Variants in MYO9B observed in about 807,000 individuals in gnomAD.
MYO9B encodes unconventional myosin-IXb.
In MYO9B, 71 loss-of-function variants were observed where a neutral mutation model predicts 229.5. The observed-to-expected ratio is 0.31, with a 90% CI of 0.26 to 0.38. The LOEUF (loss-of-function observed/expected upper bound fraction) is 0.38. Among genes scored for constraint, MYO9B ranks in the 10% least tolerant of loss-of-function variants. The pLI, the probability that MYO9B is intolerant of heterozygous loss-of-function variation, is 1.00. For missense variants in MYO9B, 2,255 were observed against 2,920.5 expected, an observed-to-expected ratio of 0.77 and a Z score of 5.25; for synonymous variants, 1,185 against 1,235.8, an observed-to-expected ratio of 0.96 and a Z score of 0.86.
At chr19:17,104,512 G>A (rs761058098) in intron 2 of MYO9B, among the ~76,000 whole-genome samples, 1 of 152,164 alleles carries the variant, frequency 6.6e-6, no homozygotes, top group African/African-American at 2.4e-5. Flanking sequence ...CGCAACCATC[G>A]CCACCTGGTG....
chr19:17,128,715 C>A (rs1416858751), intron 2 of MYO9B, among the ~76,000 whole-genome samples: 1 of 152,228 alleles, frequency 6.6e-6, no homozygotes, highest in South Asian at 2.1e-4. Flanking sequence ...GGCCTCGGGA[C>A]GAGTGCTGTT....
At chr19:17,209,381 G>A (rs755139082) in intron 35 of MYO9B, among the ~76,000 whole-genome samples, 4 of 152,204 alleles carry the variant, frequency 2.6e-5, no homozygotes, top group Non-Finnish European at 4.4e-5. Context: ...ACAAGGAGGC[G>A]TGCAGAGACA....
In MYO9B at chr19:17,203,237, G is replaced by A; in HGVS notation, c.4969G>A (p.Asp1657Asn). Residue 1657 changes from aspartate (D) to asparagine (N), a missense_variant, in exon 30 of 40, where the codon GAC (aspartate) becomes AAC (asparagine). Asp to Asn is a conservative substitution (Grantham distance 23). Around this residue, in one of 7 missense-constraint regions of MYO9B, gnomAD observed 416 missense variants for 605.5 expected, o/e 0.69. Transcript: ENST00000682292. ...EQCLSYIWLMDKALLCSVCKM... is the reference protein window; with the variant it reads ...EQCLSYIWLMNKALLCSVCKM... ...GTGCCTCTCCTATATCTGGCTCATG[G>A]ACAAGGCCCTGCTCTGCAGCGGTGA... is the stretch of plus-strand genomic sequence containing the variant. 6.4e-7 allele frequency: 1 copy of A among 1,561,800 alleles called. No homozygotes were observed. The highest frequency in any genetic ancestry group is 8.7e-7 in the Non-Finnish European group (1 of 1,152,776).
chr19:17,087,096 C>T (rs755697055), intron 1 of MYO9B, among the ~76,000 whole-genome samples: 2 of 152,134 alleles, frequency 1.3e-5, no homozygotes, highest in Admixed American at 6.6e-5. Flanking sequence ...CAGCCTGGCC[C>T]GGGGTGAGCA....
At chr19:17,093,163 C>G (rs937088479) in intron 1 of MYO9B, among the ~76,000 whole-genome samples, 1 of 152,028 alleles carries the variant, frequency 6.6e-6, no homozygotes, top group Non-Finnish European at 1.5e-5. Context: ...GAAACCCTGT[C>G]TCAACCAAAA....
chr19:17,192,954 A>ACCACCCACCTCAG lies in MYO9B; in HGVS notation c.3022_3023insACCCACCTCAGCC (p.Leu1008HisfsTer67). The ACCACCCACCTCAG allele has an allele frequency of 6.5e-7, 1 of 1,538,716 alleles. No individual in the cohort carries two copies. ...CTGGAGAGGACGCAGGCTGCCGTGTACCTCCAGGCCTCATGGAGGGGCTAC... is the reference window on the plus strand; with the variant it reads ...CTGGAGAGGACGCAGGCTGCCGTGTACCACCCACCTCAGCCTCCAGGCCTCATGGAGGGGCTAC... On this transcript the variant is annotated frameshift_variant, in exon 21 of 40. Coordinates refer to ENST00000682292, the MANE Select transcript of MYO9B (RefSeq NM_004145.4). LOFTEE classifies it high-confidence loss of function.
chr19:17,198,218 C>T lies in MYO9B; in HGVS notation c.4148C>T (p.Ala1383Val), dbSNP rs576521081. 6.2e-6 allele frequency: 10 copies of T among 1,613,898 alleles called. No individual in the cohort carries two copies. Among genetic ancestry groups the T allele is most frequent in the East Asian group, 2.2e-5 (1 of 44,866 alleles). The change falls in exon 24 of 40, where the codon GCG (alanine) becomes GTG (valine). Residue 1383 changes from alanine to valine, a missense_variant. Coordinates refer to ENST00000682292, the MANE Select transcript of MYO9B (RefSeq NM_004145.4). ...GAAACCACGGACGGAGAGCGAAGTGCGAAAAAGCCAGCTGTCCAGAAGAAG... is the reference window on the plus strand; with the variant it reads ...GAAACCACGGACGGAGAGCGAAGTGTGAAAAAGCCAGCTGTCCAGAAGAAG... ...AAETTDGERSAKKPAVQKKKP... is the reference protein window; with the variant it reads ...AAETTDGERSVKKPAVQKKKP...
At chr19:17,200,867 G>A (rs202077102) in intron 26 of MYO9B, 38 bp downstream of exon 26, 304 of 1,593,952 alleles carry the variant, frequency 1.9e-4, no homozygotes, top group African/African-American at 4.6e-4. Context: ...CATGAGGCCC[G>A]GTCCCCAGGG....
At chr19:17,150,514 G>A (rs942446337) in intron 3 of MYO9B, among the ~76,000 whole-genome samples, 1 of 152,194 alleles carries the variant, frequency 6.6e-6, no homozygotes, top group Non-Finnish European at 1.5e-5. Context: ...GGCACCAGCT[G>A]TGTCTCCTGC....
In MYO9B at chr19:17,205,822, CAGA is replaced by C. The variant is rs1327767536; in HGVS notation, c.5065-135_5065-133del. ...CAGCCCCACACCCCCAACAACCACG[CAGA>C]AGGAGACAGGGAGGGACAGAACAGC... On this transcript the variant is annotated intron_variant, in intron 31 of 39. Transcript: ENST00000682292. 17 of 867,042 alleles carry C rather than the reference CAGA, an allele frequency of 2.0e-5. No homozygotes were observed. In the South Asian group the frequency reaches 2.5e-4, roughly 13 times the overall value. The allele number at this position is 867,042 out of a possible 1,614,324, so 53.7% of individuals were successfully genotyped here. A position where few individuals can be genotyped will look rare whatever the true frequency, so the allele number is the denominator to read the frequency against.
At chr19:17,085,764 C>T (rs1315554826) in intron 1 of MYO9B, among the ~76,000 whole-genome samples, 2 of 151,806 alleles carry the variant, frequency 1.3e-5, no homozygotes, top group Admixed American at 6.6e-5. Flanking sequence ...CCCAGGAGTT[C>T]GAGACCGGCC....
In MYO9B at chr19:17,210,393, T is replaced by C. The variant is rs1008828576; in HGVS notation, c.5796+13T>C. The C allele has an allele frequency of 6.3e-6, 10 of 1,587,668 alleles. No homozygotes were observed. Among genetic ancestry groups the C allele is most frequent in the Non-Finnish European group, 8.6e-6 (10 of 1,166,702 alleles). On this transcript the variant is annotated intron_variant, in intron 37 of 39. Transcript: ENST00000682292. Reference sequence around the variant, plus strand: ...TGAGGGGGTCCTGGTATGTACGCGTTCGGTGGGCCCGCGGTGCATGTCTCC... The same window carrying C: ...TGAGGGGGTCCTGGTATGTACGCGTCCGGTGGGCCCGCGGTGCATGTCTCC...
rs1279140675 is a variant in MYO9B, at chr19:17,210,326, C to T, written c.5749-7C>T. ...GTGTGGTCACCCTGTGTTCATCTCTCTCCCAGCCATGGCCTCTCAAACTGG... is the reference window on the plus strand; with the variant it reads ...GTGTGGTCACCCTGTGTTCATCTCTTTCCCAGCCATGGCCTCTCAAACTGG... On this transcript the variant is annotated splice_region_variant and splice_polypyrimidine_tract_variant and intron_variant, in intron 36 of 39. Coordinates refer to ENST00000682292, the MANE Select transcript of MYO9B (RefSeq NM_004145.4). 2.5e-6 allele frequency: 4 copies of T among 1,594,258 alleles called. No individual in the cohort carries two copies. The highest frequency in any genetic ancestry group is 3.4e-6 in the Non-Finnish European group (4 of 1,170,010).
intron 3 of MYO9B, among the ~76,000 whole-genome samples, chr19:17,146,190 G>T (rs1217503198): frequency 1.3e-5 from 2 of 151,612 alleles, no homozygotes; most frequent in African/African-American, 4.9e-5. Flanking sequence ...TGGATGGATG[G>T]ATGGATGGAT....
chr19:17,153,265 C>G (rs1217977127), intron 4 of MYO9B, among the ~76,000 whole-genome samples: 1 of 151,640 alleles, frequency 6.6e-6, no homozygotes, highest in Non-Finnish European at 1.5e-5. Context: ...CTCACTGCAA[C>G]CTCCGCCTCC....
intron 13 of MYO9B, among the ~76,000 whole-genome samples, chr19:17,174,065 C>T (rs2145368051): frequency 8.6e-6 from 1 of 115,830 alleles, no homozygotes; most frequent in South Asian, 3.0e-4. Flanking sequence ...GAGTCTTGCT[C>T]TGTCGCCCAG....
At chr19:17,135,593 G>A (rs747875196) in intron 2 of MYO9B, among the ~76,000 whole-genome samples, 1 of 152,126 alleles carries the variant, frequency 6.6e-6, no homozygotes, top group African/African-American at 2.4e-5. Flanking sequence ...AGCACCAACC[G>A]GATATTTTTA....
At chr19:17,082,390 C>T (rs1339916723) in intron 1 of MYO9B, among the ~76,000 whole-genome samples, 5 of 152,090 alleles carry the variant, frequency 3.3e-5, no homozygotes, top group East Asian at 1.9e-4. Context: ...AGGTGGGCAC[C>T]GCTGCTTCCT....
intron 2 of MYO9B, among the ~76,000 whole-genome samples, chr19:17,116,586 C>T (rs2057906070): frequency 6.6e-6 from 1 of 152,140 alleles, no homozygotes; most frequent in Non-Finnish European, 1.5e-5. Context: ...GGTGCCTTTT[C>T]CCCAGCTCTG....
Sources: allele counts gnomAD v4.1 joint callset (sites outside exome capture counted in the v4.1 genomes callset), GRCh38; gene constraint gnomAD v4.1.1; regional missense constraint gnomAD v4.1.1; transcripts MANE v1.5; gene names NCBI Gene and HGNC (gene_info 2026-07-23, HGNC 2026-07-21).